TAFA4: variants seen among roughly 807,000 people sequenced by gnomAD.
TAFA4 encodes the protein chemokine-like protein TAFA-4.
Under a neutral mutation model 21.1 loss-of-function variants are expected in TAFA4, and 20 were observed. That is an observed-to-expected ratio of 0.95 (90% CI 0.67 to 1.38). The LOEUF (loss-of-function observed/expected upper bound fraction) is 1.38. Among genes scored for constraint, TAFA4 ranks in the 40% most tolerant of loss-of-function variants. The pLI is 0.00. For missense variants in TAFA4, 211 were observed against 180.9 expected (o/e 1.17, Z -0.95); for synonymous variants, 71 against 67.4 (o/e 1.05, Z -0.26).
chr3:68,872,818 G>T (rs774593084), intron 3 of TAFA4, among the ~76,000 whole-genome samples: 4 of 152,140 alleles, frequency 2.6e-5, no homozygotes, highest in Admixed American at 6.6e-5. Flanking sequence ...CCAGGAAGAA[G>T]AAACTGAGGC....
chr3:68,759,980 G>A (rs971363919), intron 3 of TAFA4, among the ~76,000 whole-genome samples: 48 of 152,094 alleles, frequency 3.2e-4, no homozygotes, highest in African/African-American at 1.0e-3. Flanking sequence ...TGCTCTTTGA[G>A]ACATATTTTT....
intron 1 of TAFA4, among the ~76,000 whole-genome samples, chr3:68,886,986 C>G (rs1383225392): frequency 6.6e-6 from 1 of 152,188 alleles, no homozygotes; most frequent in Admixed American, 6.5e-5. Flanking sequence ...TTCATTCCAT[C>G]TCAATAGCCC....
intron 3 of TAFA4, among the ~76,000 whole-genome samples, chr3:68,815,429 A>G (rs1247872954): frequency 6.6e-6 from 1 of 152,236 alleles, no homozygotes; most frequent in Non-Finnish European, 1.5e-5. Context: ...CAAAGGGCTA[A>G]TATCCAGAAT....
intron 3 of TAFA4, among the ~76,000 whole-genome samples, chr3:68,785,194 T>G (rs562568286): frequency 2.6e-5 from 4 of 152,280 alleles, no homozygotes; most frequent in African/African-American, 7.2e-5. Flanking sequence ...TACAATCCCC[T>G]AGCTAGACAT....
chr3:68,856,022 C>T (rs1371222731), intron 3 of TAFA4, among the ~76,000 whole-genome samples: 2 of 152,112 alleles, frequency 1.3e-5, no homozygotes, highest in Non-Finnish European at 2.9e-5. Context: ...GATGGTGAGG[C>T]AGAAAAGAAG....
intron 3 of TAFA4, among the ~76,000 whole-genome samples, chr3:68,757,561 A>G (rs1702681078): frequency 6.6e-6 from 1 of 152,198 alleles, no homozygotes; most frequent in Non-Finnish European, 1.5e-5. Flanking sequence ...TGGAGCAGTC[A>G]AGAAATGATC....
chr3:68,740,903 A>T lies in TAFA4; in HGVS notation c.287-1704T>A, dbSNP rs145007460. 2.7e-3 allele frequency among the ~76,000 whole-genome samples: 408 copies of T among 152,298 alleles called. 2 individuals are homozygous for T. Among genetic ancestry groups the T allele is most frequent in the Non-Finnish European group, 4.6e-3 (313 of 68,020 alleles). ...CCCAGCACCCTTTATTGAAGAGACT[A>T]TCCTTTCCCCATTGTGTAGTCTTGT... is the stretch of plus-strand genomic sequence containing the variant. On this transcript the variant is annotated intron_variant, in intron 4 of 5. Coordinates refer to ENST00000295569, the MANE Select transcript of TAFA4 (RefSeq NM_182522.5).
At chr3:68,923,376 G>C (rs951319861) in intron 1 of TAFA4, among the ~76,000 whole-genome samples, 2 of 152,034 alleles carry the variant, frequency 1.3e-5, no homozygotes, top group Non-Finnish European at 2.9e-5. Context: ...GGGTGGGAAG[G>C]ATGCCCACGT....
chr3:68,914,537 A>C (rs1366914358), intron 1 of TAFA4, among the ~76,000 whole-genome samples: 1 of 151,668 alleles, frequency 6.6e-6, no homozygotes, highest in East Asian at 1.9e-4. Context: ...AAAGTTAGTA[A>C]CTAAGAGTTT....
At chr3:68,760,219 GA>G (rs1702736196) in intron 3 of TAFA4, among the ~76,000 whole-genome samples, 1 of 152,084 alleles carries the variant, frequency 6.6e-6, no homozygotes, top group Non-Finnish European at 1.5e-5. Context: ...ATAGAGGATG[GA>G]TTAACTTTAT....
intron 3 of TAFA4, among the ~76,000 whole-genome samples, chr3:68,776,985 G>C (rs1222163170): frequency 6.6e-6 from 1 of 151,824 alleles, no homozygotes; most frequent in Non-Finnish European, 1.5e-5. Flanking sequence ...AACCTTCTTG[G>C]ACCAACAAAA....
chr3:68,811,567 G>A (rs996032524), intron 3 of TAFA4, among the ~76,000 whole-genome samples: 1 of 152,066 alleles, frequency 6.6e-6, no homozygotes, highest in South Asian at 2.1e-4. Context: ...TGGAAGAAAG[G>A]GTATCAGTGA....
At chr3:68,808,295 C>T (rs546187232) in intron 3 of TAFA4, among the ~76,000 whole-genome samples, 1 of 152,260 alleles carries the variant, frequency 6.6e-6, no homozygotes, top group South Asian at 2.1e-4. Context: ...TCAACCGTCC[C>T]ACCTGAGTCC....
intron 3 of TAFA4, among the ~76,000 whole-genome samples, chr3:68,857,404 T>C (rs1240263054): frequency 6.6e-6 from 1 of 152,072 alleles, no homozygotes; most frequent in Non-Finnish European, 1.5e-5. Context: ...GGAGATAATT[T>C]GAAAAGAAGA....
intron 3 of TAFA4, among the ~76,000 whole-genome samples, chr3:68,872,495 C>T (rs746757349): frequency 4.0e-5 from 6 of 151,796 alleles, no homozygotes; most frequent in South Asian, 2.1e-4. Flanking sequence ...TAGTATGGTA[C>T]GGTAACTATA....
intron 5 of TAFA4, among the ~76,000 whole-genome samples, chr3:68,735,262 G>A (rs919998369): frequency 6.6e-6 from 1 of 152,142 alleles, no homozygotes; most frequent in Non-Finnish European, 1.5e-5. Context: ...TGGCAGTGAA[G>A]GCCCATTTAA....
chr3:68,748,824 T>A (rs143057524), intron 4 of TAFA4, among the ~76,000 whole-genome samples: 1 of 152,370 alleles, frequency 6.6e-6, no homozygotes, highest in East Asian at 1.9e-4. Context: ...ACTTTCCATT[T>A]CTGAGCTTTT....
chr3:68,733,271 C>T lies in TAFA4; in HGVS notation c.412-118G>A, dbSNP rs951312355. ...ATACTTTATCAGTTTGTACATTTAC[C>T]TATAACCGACCTCACCAAATCAACA... On this transcript the variant is annotated intron_variant, in intron 5 of 5. Coordinates refer to ENST00000295569, the MANE Select transcript of TAFA4 (RefSeq NM_182522.5). 5 of 1,281,814 alleles carry T rather than the reference C, an allele frequency of 3.9e-6. No individual in the cohort carries two copies. The African/African-American group carries it at 7.4e-5, about 19-fold the overall frequency. The allele number at this position is 1,281,814 out of a possible 1,614,324, so 79.4% of individuals were successfully genotyped here.
chr3:68,841,069 A>AGTCCCTGTGG lies in TAFA4; in HGVS notation c.130+39660_130+39661insCCACAGGGAC, dbSNP rs1247827772. 1.4e-4 allele frequency among the ~76,000 whole-genome samples: 10 copies of AGTCCCTGTGG among 73,640 alleles called. 1 individual carries two copies. Among genetic ancestry groups the AGTCCCTGTGG allele is most frequent in the Non-Finnish European group, 1.8e-4 (5 of 27,426 alleles). The allele number at this position is 73,640 out of a possible 152,430, so 48.3% of individuals were successfully genotyped here. ...GATATTAAAGAATAAAATCCATGTAATCCCAGCACTTTGGGAGGCCGAGGC... is the reference window on the plus strand; with the variant it reads ...GATATTAAAGAATAAAATCCATGTAAGTCCCTGTGGTCCCAGCACTTTGGGAGGCCGAGGC... On this transcript the variant is annotated intron_variant, in intron 3 of 5. Transcript: ENST00000295569.
Sources: allele counts gnomAD v4.1 joint callset (sites outside exome capture counted in the v4.1 genomes callset), GRCh38; gene constraint gnomAD v4.1.1; transcripts MANE v1.5; gene names NCBI Gene and HGNC (gene_info 2026-07-23, HGNC 2026-07-21).